The following SLIT2 variants were observed in gnomAD, a reference collection of about 807,000 sequenced individuals.
SLIT2 encodes the protein slit guidance ligand 2.
SLIT2 carries 41 observed loss-of-function variants against 185.7 expected under a neutral mutation model. The ratio of observed to expected loss-of-function variants is 0.22; its 90% CI spans 0.17 to 0.29. The LOEUF (loss-of-function observed/expected upper bound fraction) is 0.29. Among genes scored for constraint, SLIT2 ranks in the 10% least tolerant of loss-of-function variants. The probability of loss-of-function intolerance (pLI) is 1.00; values close to 1 mark genes in which losing one functional copy is unlikely to be tolerated. For synonymous variants in SLIT2, 693 were observed against 680.2 expected, an observed-to-expected ratio of 1.02 and a Z score of -0.29; for missense variants, 1,571 against 1,909.0, an observed-to-expected ratio of 0.82 and a Z score of 3.30.
intron 4 of SLIT2, among the ~76,000 whole-genome samples, chr4:20,354,165 A>G (rs933667532): frequency 2.0e-5 from 3 of 151,900 alleles, no homozygotes; most frequent in African/African-American, 7.3e-5. Context: ...ATTTTTGTAT[A>G]TTGCATTAAA....
At chr4:20,374,628 A>G (rs966909186) in intron 4 of SLIT2, among the ~76,000 whole-genome samples, 3 of 151,628 alleles carry the variant, frequency 2.0e-5, no homozygotes, top group Admixed American at 6.6e-5. Context: ...TCCAATCTGT[A>G]TTCTTTTTCC....
intron 4 of SLIT2, chr4:20,364,363 A>T: frequency 1.4e-6 from 1 of 713,704 alleles, no homozygotes; most frequent in Non-Finnish European, 1.7e-6. Context: ...TTCACCCATT[A>T]GCTCTCTACT....
chr4:20,583,520 G>T (rs1368332052), intron 29 of SLIT2, among the ~76,000 whole-genome samples: 1 of 151,996 alleles, frequency 6.6e-6, no homozygotes, highest in Non-Finnish European at 1.5e-5. Context: ...ATTAAAAACA[G>T]TTAGGTTCAG....
At chr4:20,544,491 G>A (rs1723084985) in intron 21 of SLIT2, among the ~76,000 whole-genome samples, 1 of 152,088 alleles carries the variant, frequency 6.6e-6, no homozygotes, top group Non-Finnish European at 1.5e-5. Flanking sequence ...TTATTAAAAA[G>A]TAGTCTTTTT....
At chr4:20,404,892 T>C (rs529577898) in intron 4 of SLIT2, among the ~76,000 whole-genome samples, 15 of 152,112 alleles carry the variant, frequency 9.9e-5, no homozygotes, top group African/African-American at 3.6e-4. Flanking sequence ...AGAAATAGCA[T>C]TTAAAGGGTC....
At chr4:20,499,183 T>C (rs1241150605) in intron 9 of SLIT2, among the ~76,000 whole-genome samples, 1 of 152,208 alleles carries the variant, frequency 6.6e-6, no homozygotes, top group Non-Finnish European at 1.5e-5. Flanking sequence ...CATGTCTTCT[T>C]TTGAGAAATA....
At chr4:20,536,919 G>A (rs552689984) in intron 18 of SLIT2, among the ~76,000 whole-genome samples, 7 of 152,072 alleles carry the variant, frequency 4.6e-5, no homozygotes, top group Non-Finnish European at 1.0e-4. Flanking sequence ...GCCTAGGCCT[G>A]CCCAGTGTCA....
intron 4 of SLIT2, among the ~76,000 whole-genome samples, chr4:20,452,958 CT>C (rs564156655): frequency 6.6e-6 from 1 of 152,142 alleles, no homozygotes; most frequent in East Asian, 1.9e-4. Flanking sequence ...TGCCTTTCAG[CT>C]TTTATATCTG....
rs1316184896 is a variant in SLIT2 at position 20,619,351 on chromosome 4, GA to G, written c.*345del. On this transcript the variant is annotated 3_prime_UTR_variant, in exon 37 of 37. Transcript: ENST00000504154. ...CAGAGGAGCTACTGTGCACTGCTGT[GA>G]AATTGCCCAGAGCATAAAACCTGTG... 1 of 177,558 alleles carries G rather than the reference GA, an allele frequency of 5.6e-6. No individual in the cohort carries two copies. Among genetic ancestry groups the G allele is most frequent in the African/African-American group, 2.4e-5 (1 of 42,214 alleles). The allele number at this position is 177,558 out of a possible 1,614,324, so 11.0% of individuals were successfully genotyped here. A position where few individuals can be genotyped will look rare whatever the true frequency, so the allele number is the denominator to read the frequency against.
chr4:20,325,479 G>T (rs1719499476), intron 4 of SLIT2, among the ~76,000 whole-genome samples: 1 of 150,984 alleles, frequency 6.6e-6, no homozygotes, highest in Admixed American at 6.6e-5. Context: ...AAAAAGCCTA[G>T]GCTTAATAAA....
At chr4:20,449,883 C>G (rs1398477865) in intron 4 of SLIT2, among the ~76,000 whole-genome samples, 1 of 151,752 alleles carries the variant, frequency 6.6e-6, no homozygotes, top group African/African-American at 2.4e-5. Context: ...TGAAACTATT[C>G]GATTTATAAC....
In SLIT2 at chr4:20,612,862, G is replaced by GAGCC. The variant is rs1729334647; in HGVS notation, c.3847+2696_3847+2699dup. ...GAACCCAGTAGGTGGAGCTTGCAGT[G>GAGCC]AGCCGAGATCGCACCACTGCACTCC... On this transcript the variant is annotated intron_variant, in intron 34 of 36. Transcript: ENST00000504154. 5.4e-5 allele frequency among the ~76,000 whole-genome samples: 8 copies of GAGCC among 147,866 alleles called. No individual in the cohort carries two copies. In the South Asian group the frequency reaches 1.7e-3, roughly 32 times the overall value.
At chr4:20,473,913 TGTTA>T (rs1715831841) in intron 5 of SLIT2, among the ~76,000 whole-genome samples, 1 of 152,046 alleles carries the variant, frequency 6.6e-6, no homozygotes, top group Admixed American at 6.6e-5. Flanking sequence ...TTCTTTAATC[TGTTA>T]GTTTTTCTGT....
At chr4:20,329,838 G>T (rs1719914925) in intron 4 of SLIT2, among the ~76,000 whole-genome samples, 1 of 151,984 alleles carries the variant, frequency 6.6e-6, no homozygotes, top group South Asian at 2.1e-4. Context: ...CTCACCAGTT[G>T]ATGATAGTTT....
At chr4:20,541,921 C>G (rs1292909589) in intron 20 of SLIT2, among the ~76,000 whole-genome samples, 1 of 152,042 alleles carries the variant, frequency 6.6e-6, no homozygotes, top group African/African-American at 2.4e-5. Context: ...TTTTTTAGTA[C>G]CTACCATTTT....
At chr4:20,594,010 ATATG>A (rs1313900315) in intron 30 of SLIT2, among the ~76,000 whole-genome samples, 2 of 149,632 alleles carry the variant, frequency 1.3e-5, no homozygotes, top group African/African-American at 2.5e-5. Context: ...ACACACATAC[ATATG>A]TATGTGTGTA....
At chr4:20,472,204 A>G (rs1715112182) in intron 5 of SLIT2, among the ~76,000 whole-genome samples, 1 of 135,214 alleles carries the variant, frequency 7.4e-6, no homozygotes, top group Admixed American at 8.2e-5. Flanking sequence ...AAATTGCTTT[A>G]GAAATGTGTG....
At chr4:20,385,879 G>A (rs929183329) in intron 4 of SLIT2, among the ~76,000 whole-genome samples, 23 of 152,116 alleles carry the variant, frequency 1.5e-4, no homozygotes, top group Non-Finnish European at 2.8e-4. Flanking sequence ...TGCAAATTTT[G>A]CTTATTACTG....
At chr4:20,471,546 A>T (rs1190968443) in intron 5 of SLIT2, among the ~76,000 whole-genome samples, 1 of 152,148 alleles carries the variant, frequency 6.6e-6, no homozygotes, top group Non-Finnish European at 1.5e-5. Flanking sequence ...CAGAGAGTAA[A>T]AGAGAAAAAA....
Sources: gnomAD v4.1 joint callset for allele counts (sites outside exome capture counted in the v4.1 genomes callset) on GRCh38, gnomAD v4.1.1 for gene constraint, MANE v1.5 for transcripts, NCBI Gene and HGNC (gene_info 2026-07-23, HGNC 2026-07-21) for gene names.